Variants in COL23A1 observed in about 807,000 individuals in gnomAD.
COL23A1 encodes the protein collagen type XXIII alpha 1 chain.
Under a neutral mutation model 99.3 loss-of-function variants are expected in COL23A1, and 97 were observed. The ratio of observed to expected loss-of-function variants is 0.98; its 90% CI spans 0.83 to 1.16. The LOEUF (loss-of-function observed/expected upper bound fraction) is 1.16, where lower values mean the gene tolerates loss of function less well. Among genes scored for constraint, COL23A1 ranks in the 50% most tolerant of loss-of-function variants. The pLI, the probability that COL23A1 is intolerant of heterozygous loss-of-function variation, is 0.00. For synonymous variants in COL23A1, 320 were observed against 308.2 expected (o/e 1.04, Z -0.40); for missense variants, 762 against 757.4 (o/e 1.01, Z -0.07).
chr5:178,268,801 T>A (rs1756054854), intron 6 of COL23A1, 45 bp from the exon 7 acceptor site: 2 of 1,573,714 alleles, frequency 1.3e-6, no homozygotes, highest in African/African-American at 1.3e-5. Context: ...GTGAGGGGCC[T>A]AGGCTGGCTC....
At chr5:178,504,626 A>T (rs546114973) in intron 2 of COL23A1, among the ~76,000 whole-genome samples, 2 of 152,270 alleles carry the variant, frequency 1.3e-5, no homozygotes, top group African/African-American at 2.4e-5. Context: ...TGCAGCCCCC[A>T]TCTGCAGGTC....
At chr5:178,555,972 C>A (rs1762249651) in intron 2 of COL23A1, among the ~76,000 whole-genome samples, 2 of 148,582 alleles carry the variant, frequency 1.3e-5, no homozygotes. Context: ...TACCCTCAGG[C>A]CTGCAGCGTG....
At chr5:178,350,446 C>G (rs2913806) in intron 2 of COL23A1, among the ~76,000 whole-genome samples, 87,893 of 151,382 alleles carry the variant, frequency 0.58, 25,850 homozygotes, top group East Asian at 0.77. Flanking sequence ...GCATCTAGGG[C>G]AGGGCCGTCA....
intron 2 of COL23A1, among the ~76,000 whole-genome samples, chr5:178,513,966 C>T (rs568846910): frequency 2.6e-5 from 4 of 152,114 alleles, no homozygotes; most frequent in East Asian, 1.9e-4. Flanking sequence ...AGCACATTCA[C>T]GTTGTTTTGC....
Position 178,365,068 on chromosome 5 carries a change from C to G in COL23A1, c.362-58149G>C, listed in dbSNP as rs1474275077. Among the ~76,000 whole-genome samples the G allele has an allele frequency of 6.6e-6, 1 of 151,998 alleles. No homozygotes were observed. The highest frequency in any genetic ancestry group is 2.1e-4 in the South Asian group (1 of 4,828). Reference sequence around the variant, plus strand: ...AGCAGATACAGCAGTAAAGAATAAACCGTAGGGGCAATAACAATCTCTTTG... The same window carrying G: ...AGCAGATACAGCAGTAAAGAATAAAGCGTAGGGGCAATAACAATCTCTTTG... On this transcript the variant is annotated intron_variant, in intron 2 of 28. Transcript: ENST00000390654. This position sits in a 1 kb window ranked among gnomAD's most constrained non-coding sequence, Gnocchi z 5.2.
rs1426846130 is a variant in COL23A1 at position 178,246,405 on chromosome 5, G to A, written c.1345C>T (p.Pro449Ser). ...GTGAGACTCACAGGCAGGCCGCTGG[G>A]GCCTCTCTCACCCGACGCACCCTTC... is the stretch of plus-strand genomic sequence containing the variant. ...GEKGASGERG[P>S]SGLPGPVGPP... Residue 449 changes from proline to serine, a missense_variant, in exon 23 of 29, where the codon CCC becomes TCC. Transcript: ENST00000390654. 6.3e-7 allele frequency: 1 copy of A among 1,580,476 alleles called. No individual in the cohort carries two copies. The highest frequency in any genetic ancestry group is 1.3e-5 in the African/African-American group (1 of 74,400).
chr5:178,572,888 A>G (rs1019950735), intron 1 of COL23A1, among the ~76,000 whole-genome samples: 4 of 152,268 alleles, frequency 2.6e-5, no homozygotes, highest in South Asian at 2.1e-4. Flanking sequence ...AGTTCTTTGT[A>G]TAAGCACTAC....
chr5:178,360,050 C>T lies in COL23A1; in HGVS notation c.362-53131G>A, dbSNP rs550922497. Among the ~76,000 whole-genome samples the T allele has an allele frequency of 6.3e-4, 96 of 152,316 alleles. 1 individual carries two copies. Among genetic ancestry groups the T allele is most frequent in the Admixed American group, 2.0e-3 (30 of 15,298 alleles). ...TCGCATCATAGGTCTTTGGGGGCAACTCCCACCCCACAATTCTCTTCCGTG... is the reference window on the plus strand; with the variant it reads ...TCGCATCATAGGTCTTTGGGGGCAATTCCCACCCCACAATTCTCTTCCGTG... On this transcript the variant is annotated intron_variant, in intron 2 of 28. Transcript: ENST00000390654.
chr5:178,516,507 T>C (rs1010714249), intron 2 of COL23A1, among the ~76,000 whole-genome samples: 1 of 152,088 alleles, frequency 6.6e-6, no homozygotes, highest in African/African-American at 2.4e-5. Context: ...CGGCATTCCC[T>C]CCAAGCATCC....
intron 2 of COL23A1, among the ~76,000 whole-genome samples, chr5:178,359,361 C>T (rs115401717): frequency 0.034 from 5,246 of 152,278 alleles, 111 homozygotes; most frequent in Non-Finnish European, 0.054. Context: ...CCCGTTTCTA[C>T]TAAAAACACA....
intron 2 of COL23A1, among the ~76,000 whole-genome samples, chr5:178,462,896 C>A (rs1389356677): frequency 6.6e-6 from 1 of 152,168 alleles, no homozygotes; most frequent in African/African-American, 2.4e-5. Flanking sequence ...TGAAAATTTA[C>A]GGACAGCAGA....
At chr5:178,542,200 C>T (rs1372298911) in intron 2 of COL23A1, among the ~76,000 whole-genome samples, 3 of 152,078 alleles carry the variant, frequency 2.0e-5, no homozygotes, top group Non-Finnish European at 2.9e-5. Context: ...ATTACAGGCA[C>T]GCGCCACCAC....
At chr5:178,416,066 A>G (rs1027288229) in intron 2 of COL23A1, among the ~76,000 whole-genome samples, 1 of 152,166 alleles carries the variant, frequency 6.6e-6, no homozygotes, top group Non-Finnish European at 1.5e-5. Context: ...CCCCAGTGCC[A>G]TTCTCACTGA....
intron 1 of COL23A1, among the ~76,000 whole-genome samples, chr5:178,572,886 G>A (rs1397586835): frequency 6.6e-6 from 1 of 152,212 alleles, no homozygotes; most frequent in Non-Finnish European, 1.5e-5. Flanking sequence ...GCAGTTCTTT[G>A]TATAAGCACT....
intron 2 of COL23A1, among the ~76,000 whole-genome samples, chr5:178,463,529 G>A (rs1481781810): frequency 6.6e-6 from 1 of 152,144 alleles, no homozygotes; most frequent in African/African-American, 2.4e-5. Flanking sequence ...GCCACACCTT[G>A]TCCCCCGCAC....
rs1758523211 is a variant in COL23A1, at chr5:178,309,055, C to CCAGGGG, written c.362-2137_362-2136insCCCCTG. Among the ~76,000 whole-genome samples, 1 of 152,108 alleles carries CCAGGGG rather than the reference C, an allele frequency of 6.6e-6. No homozygotes were observed. Among genetic ancestry groups the CCAGGGG allele is most frequent in the Non-Finnish European group, 1.5e-5 (1 of 68,016 alleles). Reference sequence around the variant, plus strand: ...GTGAGGGGGCATGGCAGGAAAGGGGCCAGGAATGGGGGAAGTAGCCAGACT... The same window carrying CCAGGGG: ...GTGAGGGGGCATGGCAGGAAAGGGGCCAGGGGCAGGAATGGGGGAAGTAGCCAGACT... On this transcript the variant is annotated intron_variant, in intron 2 of 28. Coordinates refer to ENST00000390654, the MANE Select transcript of COL23A1 (RefSeq NM_173465.4). The surrounding 1 kb of genome is among the most constrained non-coding windows in gnomAD (Gnocchi z 4.7).
chr5:178,248,160 G>A (rs780944579), intron 20 of COL23A1, 32 bp downstream of exon 20: 15 of 1,472,180 alleles, frequency 1.0e-5, no homozygotes, highest in Non-Finnish European at 1.3e-5. Context: ...CTGGGTGTTG[G>A]GGGAAGCCCT....
At position 178,249,141 on chromosome 5, in the gene COL23A1, GCCTGCTT is replaced by G. The variant is rs1561788115; in HGVS notation, c.1118_1124del (p.Glu373AlafsTer34). On this transcript the variant is annotated frameshift_variant, in exon 19 of 29. Transcript: ENST00000390654. LOFTEE classifies it high-confidence loss of function. ...CCGGGAGGCCGGACAAGCCCATCTCGCCTGCTTCCCCTTTGAGTCCTGCTGGCCCAGG... is the reference window on the plus strand; with the variant it reads ...CCGGGAGGCCGGACAAGCCCATCTCGCCCCTTTGAGTCCTGCTGGCCCAGG... 1 of 1,614,064 alleles carries G rather than the reference GCCTGCTT, an allele frequency of 6.2e-7. No homozygotes were observed. The highest frequency in any genetic ancestry group is 1.3e-5 in the African/African-American group (1 of 74,942).
At chr5:178,322,082 T>C (rs1365720713) in intron 2 of COL23A1, among the ~76,000 whole-genome samples, 8 of 151,814 alleles carry the variant, frequency 5.3e-5, no homozygotes, top group Non-Finnish European at 7.4e-5. Context: ...AACCTCCGCC[T>C]CCTGAGTTCA....
Sources: gnomAD v4.1 joint callset for allele counts (sites outside exome capture counted in the v4.1 genomes callset) on GRCh38, gnomAD v4.1.1 for gene constraint, Gnocchi (gnomAD v3.1) non-coding constraint, MANE v1.5 for transcripts, NCBI Gene and HGNC (gene_info 2026-07-23, HGNC 2026-07-21) for gene names.